GABRG3: variants seen among roughly 807,000 people sequenced by gnomAD.
The protein encoded by GABRG3 is gamma-aminobutyric acid type A receptor subunit gamma3.
In GABRG3, 25 loss-of-function variants were observed where a neutral mutation model predicts 48.8. The ratio of observed to expected loss-of-function variants is 0.51; its 90% CI spans 0.37 to 0.72. GABRG3 has a LOEUF of 0.72. Among genes scored for constraint, GABRG3 ranks in the 30% least tolerant of loss-of-function variants. The pLI, the probability that GABRG3 is intolerant of heterozygous loss-of-function variation, is 0.00. For missense variants in GABRG3, 394 were observed against 577.9 expected, an observed-to-expected ratio of 0.68 and a Z score of 3.26; for synonymous variants, 227 against 217.6, an observed-to-expected ratio of 1.04 and a Z score of -0.38.
At chr15:27,022,859 A>C (rs867646774) in intron 2 of GABRG3, among the ~76,000 whole-genome samples, 11 of 152,166 alleles carry the variant, frequency 7.2e-5, no homozygotes, top group Admixed American at 3.3e-4. Context: ...AGAGTGGAGA[A>C]AAACAACCAA....
At chr15:27,167,193 T>C (rs1374364357) in intron 3 of GABRG3, among the ~76,000 whole-genome samples, 2 of 152,322 alleles carry the variant, frequency 1.3e-5, no homozygotes, top group African/African-American at 2.4e-5. Flanking sequence ...AGATAGCCCA[T>C]GCCCGAGGTC....
intron 2 of GABRG3, among the ~76,000 whole-genome samples, chr15:26,994,026 C>G (rs1895294042): frequency 6.6e-6 from 1 of 151,870 alleles, no homozygotes; most frequent in African/African-American, 2.4e-5. Flanking sequence ...ACCCCTTCTG[C>G]TTTTTAGGTT....
intron 3 of GABRG3, among the ~76,000 whole-genome samples, chr15:27,225,338 C>T (rs371885435): frequency 2.6e-5 from 4 of 152,174 alleles, no homozygotes; most frequent in South Asian, 2.1e-4. Context: ...GCCACCTCCC[C>T]GCCCCCCTCC....
chr15:27,321,307 G>A (rs934660345), intron 3 of GABRG3, among the ~76,000 whole-genome samples: 4 of 152,194 alleles, frequency 2.6e-5, no homozygotes, highest in African/African-American at 9.7e-5. Context: ...TAAGGGAGGT[G>A]CCTGGGCTAA....
chr15:27,333,504 A>G (rs1401378599), intron 5 of GABRG3, among the ~76,000 whole-genome samples: 1 of 152,182 alleles, frequency 6.6e-6, no homozygotes, highest in East Asian at 1.9e-4. Flanking sequence ...CCACAGCAGG[A>G]GAGCTCCCCT....
chr15:27,145,595 A>ATGTCTATCTC (rs1898184289), intron 3 of GABRG3, among the ~76,000 whole-genome samples: 2 of 63,016 alleles, frequency 3.2e-5, no homozygotes, highest in African/African-American at 8.9e-5. Flanking sequence ...ATATATACAT[A>ATGTCTATCTC]TATCTATCTC....
At chr15:27,525,464 A>G (rs2150864137) in intron 7 of GABRG3, among the ~76,000 whole-genome samples, 1 of 152,308 alleles carries the variant, frequency 6.6e-6, no homozygotes, top group African/African-American at 2.4e-5. Flanking sequence ...TAGGTAGCTT[A>G]GATCCCTGAA....
In GABRG3 at chr15:27,305,296, G is replaced by A. The variant is rs536923509; in HGVS notation, c.271-21513G>A. ...AATAACTCCAGAATTGAAATATTTAGGTATAAATGTAACAAAATGTGTACA... is the reference window on the plus strand; with the variant it reads ...AATAACTCCAGAATTGAAATATTTAAGTATAAATGTAACAAAATGTGTACA... On this transcript the variant is annotated intron_variant, in intron 3 of 9. Coordinates refer to ENST00000615808, the MANE Select transcript of GABRG3 (RefSeq NM_033223.5). Among the ~76,000 whole-genome samples the A allele has an allele frequency of 2.1e-4, 32 of 151,056 alleles. 2 individuals are homozygous for A. In the East Asian group the frequency reaches 5.9e-3, roughly 28 times the overall value.
chr15:27,113,920 G>A (rs1024228160), intron 3 of GABRG3, among the ~76,000 whole-genome samples: 1 of 152,080 alleles, frequency 6.6e-6, no homozygotes, highest in African/African-American at 2.4e-5. Flanking sequence ...GTGATGCTAG[G>A]GAACCAGCTC....
intron 5 of GABRG3, among the ~76,000 whole-genome samples, chr15:27,368,320 C>T (rs77928054): frequency 0.018 from 2,802 of 152,236 alleles, 100 homozygotes; most frequent in African/African-American, 0.064. Flanking sequence ...CAGGTGGACA[C>T]GCACACATAC....
At chr15:27,307,290 T>C (rs1232503406) in intron 3 of GABRG3, among the ~76,000 whole-genome samples, 2 of 140,900 alleles carry the variant, frequency 1.4e-5, no homozygotes, top group South Asian at 4.6e-4. Flanking sequence ...CATAGGTTTA[T>C]ATATGTTTAT....
rs573099834 is a variant in GABRG3, at chr15:27,133,842, C to T, written c.270+107021C>T. 3.3e-5 allele frequency among the ~76,000 whole-genome samples: 5 copies of T among 152,292 alleles called. 1 individual carries two copies. The highest frequency in any genetic ancestry group is 4.2e-4 in the South Asian group (2 of 4,818). On this transcript the variant is annotated intron_variant, in intron 3 of 9. Coordinates refer to ENST00000615808, the MANE Select transcript of GABRG3 (RefSeq NM_033223.5). ...GGTGTAAATGTCTAGGTTCATCTTA[C>T]GGTATGCACTTTTCAGATTTCACAG...
intron 5 of GABRG3, chr15:27,363,270 A>G (rs1371192400): frequency 2.0e-5 from 3 of 152,136 alleles, no homozygotes; most frequent in Non-Finnish European, 4.4e-5. Context: ...GTTGGGCAAG[A>G]TCTTTATATG....
rs190078265 is a variant in GABRG3 at position 27,059,559 on chromosome 15, A to G, written c.270+32738A>G. On this transcript the variant is annotated intron_variant, in intron 3 of 9. Coordinates refer to ENST00000615808, the MANE Select transcript of GABRG3 (RefSeq NM_033223.5). ...GAATTGGAGATATAGTTCCAAATCA[A>G]GAATATAACTGTTCACCTCTTACGC... Among the ~76,000 whole-genome samples, 14 of 152,372 alleles carry G rather than the reference A, an allele frequency of 9.2e-5. No individual in the cohort carries two copies. The East Asian group carries it at 2.7e-3, about 29-fold the overall frequency.
intron 3 of GABRG3, among the ~76,000 whole-genome samples, chr15:27,286,560 A>G (rs1327527441): frequency 1.7e-4 from 26 of 151,650 alleles, no homozygotes; most frequent in Admixed American, 1.7e-3. Context: ...TTAGAATTAA[A>G]TCTTCCCAAT....
At chr15:27,509,316 TG>T (rs1159028647) in intron 6 of GABRG3, among the ~76,000 whole-genome samples, 2 of 149,478 alleles carry the variant, frequency 1.3e-5, no homozygotes, top group African/African-American at 2.5e-5. Flanking sequence ...TATATGTAGT[TG>T]GGGGGTTTGT....
chr15:27,470,860 C>G (rs1265443565), intron 5 of GABRG3, among the ~76,000 whole-genome samples: 3 of 151,656 alleles, frequency 2.0e-5, no homozygotes, highest in African/African-American at 7.3e-5. Context: ...AAAGCCAAAG[C>G]TATAAAGGAA....
At chr15:27,153,545 C>T (rs1048570483) in intron 3 of GABRG3, among the ~76,000 whole-genome samples, 2 of 152,052 alleles carry the variant, frequency 1.3e-5, no homozygotes, top group Non-Finnish European at 2.9e-5. Flanking sequence ...TTATACAATT[C>T]GTGTTAAACT....
chr15:27,143,622 C>T (rs566460510), intron 3 of GABRG3, among the ~76,000 whole-genome samples: 22 of 152,222 alleles, frequency 1.4e-4, no homozygotes, highest in Admixed American at 3.9e-4. Context: ...GAGATGATGC[C>T]GTGGAAAGCT....
Sources: allele counts gnomAD v4.1 joint callset (sites outside exome capture counted in the v4.1 genomes callset), GRCh38; gene constraint gnomAD v4.1.1; transcripts MANE v1.5; gene names NCBI Gene and HGNC (gene_info 2026-07-23, HGNC 2026-07-21).